ZFX: variants seen among roughly 807,000 people sequenced by gnomAD.
The protein encoded by ZFX is zinc finger X-chromosomal protein.
For missense variants in ZFX, 362 were observed against 628.3 expected (o/e 0.58, Z 4.53); for synonymous variants, 196 against 226.8 (o/e 0.86, Z 1.22).
intron 3 of ZFX, among the ~76,000 whole-genome samples, chrX:24,164,660 G>A (rs981667442): frequency 2.7e-5 from 3 of 111,320 alleles, no homozygotes; most frequent in Non-Finnish European, 5.6e-5. Flanking sequence ...GGCTGGGCAC[G>A]GTGCCTCACA....
intron 5 of ZFX, among the ~76,000 whole-genome samples, chrX:24,181,956 C>T (rs944256840): frequency 2.7e-5 from 3 of 110,889 alleles, no homozygotes; most frequent in African/African-American, 9.8e-5. Flanking sequence ...ATCTGAAGTA[C>T]GTTAATAATA....
Position 24,210,876 on chromosome X carries a change from C to T in ZFX, c.1918C>T (p.His640Tyr). 8.3e-7 allele frequency: 1 copy of T among 1,210,516 alleles called. No individual in the cohort carries two copies. The highest frequency in any genetic ancestry group is 1.1e-6 in the Non-Finnish European group (1 of 895,225). The stretch of plus-strand genomic sequence containing the variant: ...AACACACCAGTGTTTGCATTGCGAC[C>T]ACAAGAGTTCGAACTCAAGTGATTT... ...SKTHQCLHCDHKSSNSSDLKR... is the reference protein window; with the variant it reads ...SKTHQCLHCDYKSSNSSDLKR... Residue 640 changes from histidine to tyrosine, a missense_variant, in exon 10 of 10, where the codon CAC becomes TAC. His to Tyr is a moderately conservative substitution (Grantham distance 83). Transcript: ENST00000304543.
At chrX:24,186,745 TA>T (rs1423232628) in intron 5 of ZFX, among the ~76,000 whole-genome samples, 35 of 112,039 alleles carry the variant, frequency 3.1e-4, no homozygotes, top group African/African-American at 1.1e-3. Context: ...TCACAGTATA[TA>T]GCTACCTTTG....
intron 4 of ZFX, chrX:24,173,859 G>A (rs1295351465): frequency 5.3e-6 from 2 of 373,967 alleles, no homozygotes; most frequent in Non-Finnish European, 9.1e-6. Context: ...TCTCCTATAA[G>A]TATTGGGATT....
At chrX:24,155,620 A>C (rs1932747712) in intron 3 of ZFX, among the ~76,000 whole-genome samples, 1 of 112,387 alleles carries the variant, frequency 8.9e-6, no homozygotes, top group Non-Finnish European at 1.9e-5. Flanking sequence ...CCAAAATGGC[A>C]AATTGTCTTC....
chrX:24,195,340 C>T (rs1308512345), intron 5 of ZFX, among the ~76,000 whole-genome samples: 1 of 105,050 alleles, frequency 9.5e-6, no homozygotes, highest in Non-Finnish European at 1.9e-5. Context: ...ATTACAGGTG[C>T]CTGCCACCGT....
rs148405334 is a variant in ZFX at position 24,188,788 on chromosome X, G to A, written c.646+9018G>A. Among the ~76,000 whole-genome samples the A allele has an allele frequency of 5.2e-3, 582 of 111,981 alleles. 3 individuals carry two copies. The highest frequency in any genetic ancestry group is 0.017 in the African/African-American group (522 of 30,837). ...AGAAACAAAAAGTACATTTCGGAAG[G>A]TTATTGTGGTAGTCTAGGTAAGAAA... On this transcript the variant is annotated intron_variant, in intron 5 of 9. Transcript: ENST00000304543.
rs754769955 is a variant in ZFX at position 24,152,199 on chromosome X, G to C, written c.-140+399G>C. On this transcript the variant is annotated intron_variant, in intron 2 of 9. Coordinates refer to ENST00000304543, the MANE Select transcript of ZFX (RefSeq NM_003410.4). The stretch of plus-strand genomic sequence containing the variant: ...CGCCCAGGCTGGAGTGCAGTGGTGT[G>C]ATCTTGGCTCATTGCAACCTCTGCC... Among the ~76,000 whole-genome samples the C allele has an allele frequency of 3.7e-5, 4 of 108,233 alleles. No individual in the cohort carries two copies. In the South Asian group the frequency reaches 1.6e-3, roughly 44 times the overall value. The allele number at this position is 108,233 out of a possible 115,157, so 94.0% of individuals were successfully genotyped here.
At chrX:24,188,328 A>C (rs983316440) in intron 5 of ZFX, among the ~76,000 whole-genome samples, 1 of 111,503 alleles carries the variant, frequency 9.0e-6, no homozygotes, top group Admixed American at 9.6e-5. Flanking sequence ...TATTTTAAGC[A>C]AATTCCACAT....
intron 4 of ZFX, chrX:24,177,806 A>C: frequency 2.7e-6 from 2 of 754,306 alleles, no homozygotes; most frequent in Non-Finnish European, 3.1e-6. Flanking sequence ...TAAAAGAAAC[A>C]CATGGGAGAG....
In ZFX at chrX:24,210,292, A is replaced by G; in HGVS notation, c.1334A>G (p.Lys445Arg). ...KSRGFLKRHMKNHPEHLAKKK... is the reference protein window; with the variant it reads ...KSRGFLKRHMRNHPEHLAKKK... ...AGAGGTTTTTTGAAAAGGCACATGA[A>G]AAACCATCCCGAACACCTTGCCAAG... The change falls in exon 10 of 10, where the codon AAA becomes AGA. Residue 445 changes from lysine (K) to arginine (R), a missense_variant. Physicochemically the swap from Lys to Arg is conservative, Grantham distance 26. Coordinates refer to ENST00000304543, the MANE Select transcript of ZFX (RefSeq NM_003410.4). 8.3e-7 allele frequency: 1 copy of G among 1,211,779 alleles called. No homozygotes were observed. Among genetic ancestry groups the G allele is most frequent in the East Asian group, 3.0e-5 (1 of 33,858 alleles).
At chrX:24,149,442 G>A (rs1346092785), upstream of ZFX, 1 of 111,430 alleles carries the variant, frequency 9.0e-6, no homozygotes, top group African/African-American at 3.3e-5. Context: ...TGGAAAGAAG[G>A]GGGGCGCTGT....
At chrX:24,162,315 C>G (rs922677014) in intron 3 of ZFX, among the ~76,000 whole-genome samples, 1 of 112,104 alleles carries the variant, frequency 8.9e-6, no homozygotes, top group Non-Finnish European at 1.9e-5. Context: ...CATGAGAAAG[C>G]TTTTGTCTTC....
At chrX:24,192,379 A>G (rs1459568565) in intron 5 of ZFX, among the ~76,000 whole-genome samples, 1 of 111,771 alleles carries the variant, frequency 8.9e-6, no homozygotes, top group Admixed American at 9.5e-5. Context: ...AGCCTGTTTA[A>G]AGATTTATCA....
In ZFX at chrX:24,211,906, G is replaced by A. The variant is rs1179538806; in HGVS notation, c.*530G>A. On this transcript the variant is annotated 3_prime_UTR_variant, in exon 10 of 10. Transcript: ENST00000304543. Reference sequence around the variant, plus strand: ...CTTAATATTTTCAGACCACTTGACAGTGAAAGTTTCCATTTGAGCTGTTGC... The same window carrying A: ...CTTAATATTTTCAGACCACTTGACAATGAAAGTTTCCATTTGAGCTGTTGC... 1 of 113,578 alleles carries A rather than the reference G, an allele frequency of 8.8e-6. No homozygotes were observed. Among genetic ancestry groups the A allele is most frequent in the Non-Finnish European group, 1.9e-5 (1 of 53,923 alleles). The allele number at this position is 113,578 out of a possible 1,213,427, so 9.4% of individuals were successfully genotyped here.
intron 3 of ZFX, among the ~76,000 whole-genome samples, chrX:24,160,321 G>A (rs1459374170): frequency 1.1e-5 from 1 of 89,095 alleles, no homozygotes; most frequent in Non-Finnish European, 2.1e-5. Flanking sequence ...TTTTTTGAGA[G>A]CGGGTCTCGC....
intron 3 of ZFX, among the ~76,000 whole-genome samples, chrX:24,171,686 T>G (rs1040718407): frequency 1.8e-5 from 2 of 111,280 alleles, no homozygotes; most frequent in African/African-American, 6.5e-5. Context: ...AGTTTTTGGC[T>G]TAAGTAGAAA....
intron 3 of ZFX, among the ~76,000 whole-genome samples, chrX:24,158,660 G>A (rs183203184): frequency 2.7e-5 from 3 of 110,833 alleles, no homozygotes; most frequent in Admixed American, 1.9e-4. Context: ...ATTTTGAGCC[G>A]GGGTCTTGCT....
intron 3 of ZFX, among the ~76,000 whole-genome samples, chrX:24,156,660 C>CTTTTTTTTTTTTTTTTTTTT: frequency 1.2e-5 from 1 of 83,580 alleles, no homozygotes; most frequent in Non-Finnish European, 2.2e-5. Flanking sequence ...TAATAATAGC[C>CTTTTTTTTTTTTTTTTTTTT]TTTTTTTTTT....
Sources: allele counts gnomAD v4.1 joint callset (sites outside exome capture counted in the v4.1 genomes callset), GRCh38; gene constraint gnomAD v4.1.1; transcripts MANE v1.5; gene names NCBI Gene and HGNC (gene_info 2026-07-23, HGNC 2026-07-21).